The following ATXN1 variants were observed in gnomAD, a reference collection of about 807,000 sequenced individuals.
ATXN1 encodes ataxin 1, also known as ataxin-1.
In ATXN1, 8 loss-of-function variants were observed where a neutral mutation model predicts 56.4. The observed-to-expected ratio is 0.14, with a 90% CI of 0.08 to 0.26. The LOEUF is 0.26. ATXN1 is among the 10% of genes least tolerant of loss of function. The pLI is 1.00. For missense variants in ATXN1, 987 were observed against 1,106.5 expected, an observed-to-expected ratio of 0.89 and a Z score of 1.53; for synonymous variants, 514 against 494.6, an observed-to-expected ratio of 1.04 and a Z score of -0.52.
At chr6:16,395,322 C>T (rs1023218701) in intron 6 of ATXN1, among the ~76,000 whole-genome samples, 18 of 149,426 alleles carry the variant, frequency 1.2e-4, no homozygotes, top group African/African-American at 4.5e-4. Context: ...CATCATCATC[C>T]CTCATTTTAC....
chr6:16,690,718 T>C (rs1759026307), intron 2 of ATXN1, among the ~76,000 whole-genome samples: 1 of 152,108 alleles, frequency 6.6e-6, no homozygotes, highest in Non-Finnish European at 1.5e-5. Flanking sequence ...CTACTAATAA[T>C]GAGAAAACGG....
intron 6 of ATXN1, among the ~76,000 whole-genome samples, chr6:16,440,648 A>AAAAAAAAAAAAAAGAAAGAAAG (rs748929817): frequency 1.7e-5 from 2 of 118,548 alleles, no homozygotes; most frequent in African/African-American, 7.1e-5. Flanking sequence ...CTTAAAAAAA[A>AAAAAAAAAAAAAAGAAAGAAAG]AAAAGAAAAG....
chr6:16,548,800 G>A (rs1490312569), intron 4 of ATXN1, among the ~76,000 whole-genome samples: 1 of 152,066 alleles, frequency 6.6e-6, no homozygotes, highest in Non-Finnish European at 1.5e-5. Context: ...GTGCATGCCT[G>A]TAATCCCAGC....
At chr6:16,413,229 C>T (rs773754560) in intron 6 of ATXN1, among the ~76,000 whole-genome samples, 2 of 152,164 alleles carry the variant, frequency 1.3e-5, no homozygotes, top group Non-Finnish European at 2.9e-5. Context: ...AGAACTTCCT[C>T]GAAATGATAC....
At chr6:16,716,873 A>G (rs1041125882) in intron 2 of ATXN1, among the ~76,000 whole-genome samples, 4 of 152,204 alleles carry the variant, frequency 2.6e-5, no homozygotes, top group African/African-American at 9.6e-5. Context: ...GTTGCCATTC[A>G]GTTCACAGAG....
intron 5 of ATXN1, among the ~76,000 whole-genome samples, chr6:16,516,611 G>C (rs2113690040): frequency 6.6e-6 from 1 of 152,310 alleles, no homozygotes; most frequent in Non-Finnish European, 1.5e-5. Context: ...GTATGAATGA[G>C]AAATAAACTT....
chr6:16,645,728 G>A, intron 3 of ATXN1, among the ~76,000 whole-genome samples: 1 of 152,314 alleles, frequency 6.6e-6, no homozygotes, highest in South Asian at 2.1e-4. Context: ...GATCAAATGA[G>A]ATGAAACATG....
intron 6 of ATXN1, among the ~76,000 whole-genome samples, chr6:16,369,246 A>T (rs1273699219): frequency 6.6e-6 from 1 of 152,226 alleles, no homozygotes; most frequent in Non-Finnish European, 1.5e-5. Flanking sequence ...ATGGAAAATG[A>T]TCCTGGAGGA....
chr6:16,566,584 T>C (rs1241036199), intron 4 of ATXN1, among the ~76,000 whole-genome samples: 3 of 152,038 alleles, frequency 2.0e-5, no homozygotes, highest in Non-Finnish European at 4.4e-5. Context: ...CTGGGCGCGG[T>C]GGCTCACGAC....
At chr6:16,422,326 C>A (rs550456130) in intron 6 of ATXN1, among the ~76,000 whole-genome samples, 1 of 152,216 alleles carries the variant, frequency 6.6e-6, no homozygotes, top group Non-Finnish European at 1.5e-5. Flanking sequence ...GCACAGTAAG[C>A]GCACTTTCTC....
intron 6 of ATXN1, among the ~76,000 whole-genome samples, chr6:16,336,297 G>A (rs1761121699): frequency 6.6e-6 from 1 of 152,132 alleles, no homozygotes; most frequent in African/African-American, 2.4e-5. Flanking sequence ...TAGCAAATAT[G>A]CCTATTTATT....
In ATXN1 at chr6:16,348,723, C is replaced by T. The variant is rs558848903; in HGVS notation, c.-160-20253G>A. ...AAAAAAAAAAATGAAGATAGTAATA[C>T]GCCTTATTTCATGAAGTTGTTATGA... On this transcript the variant is annotated intron_variant, in intron 6 of 7. Coordinates refer to ENST00000436367, the MANE Select transcript of ATXN1 (RefSeq NM_001128164.2). Among the ~76,000 whole-genome samples the T allele has an allele frequency of 1.5e-4, 23 of 152,140 alleles. No individual in the cohort carries two copies. In the East Asian group the frequency reaches 3.5e-3, roughly 23 times the overall value.
chr6:16,318,983 G>A (rs892367703), intron 7 of ATXN1, among the ~76,000 whole-genome samples: 1 of 152,162 alleles, frequency 6.6e-6, no homozygotes, highest in African/African-American at 2.4e-5. Context: ...TTGGGGGCCT[G>A]AGGCGGGAGG....
chr6:16,472,715 C>T (rs1760243237), intron 6 of ATXN1, among the ~76,000 whole-genome samples: 3 of 152,162 alleles, frequency 2.0e-5, no homozygotes, highest in African/African-American at 7.2e-5. Context: ...CTGCAGGCTC[C>T]GAGCATGCCC....
At chr6:16,536,714 G>A (rs1466266040) in intron 4 of ATXN1, among the ~76,000 whole-genome samples, 1 of 152,164 alleles carries the variant, frequency 6.6e-6, no homozygotes, top group Non-Finnish European at 1.5e-5. Flanking sequence ...ATTGCAATGT[G>A]CTACTGCAAT....
chr6:16,501,105 G>A (rs1218092167), intron 5 of ATXN1, among the ~76,000 whole-genome samples: 7 of 152,178 alleles, frequency 4.6e-5, no homozygotes, highest in Non-Finnish European at 7.3e-5. Context: ...GTGCATGTGC[G>A]TGAGTGTGCA....
intron 4 of ATXN1, among the ~76,000 whole-genome samples, chr6:16,570,595 T>A (rs1268540207): frequency 6.6e-6 from 1 of 152,194 alleles, no homozygotes; most frequent in East Asian, 1.9e-4. Flanking sequence ...TGAACTTTGT[T>A]GAAAACAGCT....
chr6:16,546,808 G>A (rs1176877268), intron 4 of ATXN1, among the ~76,000 whole-genome samples: 4 of 152,156 alleles, frequency 2.6e-5, no homozygotes, highest in Non-Finnish European at 5.9e-5. Context: ...ATGAGTGGTG[G>A]GGAGGCATAC....
intron 5 of ATXN1, among the ~76,000 whole-genome samples, chr6:16,491,277 A>ATTTTTTTTTTTTTTTTTTTT (rs57395401): frequency 7.6e-6 from 1 of 132,222 alleles, no homozygotes; most frequent in Non-Finnish European, 1.6e-5. Flanking sequence ...TATTATTATT[A>ATTTTTTTTTTTTTTTTTTTT]TTTTTTTTTT....
Sources: gnomAD v4.1 joint callset for allele counts (sites outside exome capture counted in the v4.1 genomes callset) on GRCh38, gnomAD v4.1.1 for gene constraint, MANE v1.5 for transcripts, NCBI Gene and HGNC (gene_info 2026-07-23, HGNC 2026-07-21) for gene names.